JHY: variants seen among roughly 807,000 people sequenced by gnomAD.
JHY encodes the protein jhy protein homolog.
JHY carries 69 observed loss-of-function variants against 78.0 expected under a neutral mutation model. That is an observed-to-expected ratio of 0.88 (90% CI 0.73 to 1.08). The LOEUF is 1.08. Among genes scored for constraint, JHY ranks in the 50% least tolerant of loss-of-function variants. The pLI, the probability that JHY is intolerant of heterozygous loss-of-function variation, is 0.00. For missense variants in JHY, 944 were observed against 927.8 expected (o/e 1.02, Z -0.23); for synonymous variants, 368 against 342.6 (o/e 1.07, Z -0.82).
intron 3 of JHY, among the ~76,000 whole-genome samples, chr11:122,914,565 C>A (rs1420128982): frequency 6.6e-6 from 1 of 152,114 alleles, no homozygotes; most frequent in African/African-American, 2.4e-5. Context: ...CTGCCTCAGC[C>A]TCCTGAGTAG....
chr11:122,908,630 A>G (rs1257087371), intron 3 of JHY, among the ~76,000 whole-genome samples: 4 of 152,294 alleles, frequency 2.6e-5, no homozygotes, highest in Admixed American at 2.6e-4. Context: ...GGCTGATAGG[A>G]TTATTCAGTT....
chr11:122,890,680 A>G (rs996232819), intron 2 of JHY, among the ~76,000 whole-genome samples: 1 of 152,192 alleles, frequency 6.6e-6, no homozygotes, highest in Non-Finnish European at 1.5e-5. Context: ...ATACAATCTA[A>G]TATGTTTCAA....
At chr11:122,931,757 A>G (rs1325649320) in intron 4 of JHY, among the ~76,000 whole-genome samples, 1 of 152,206 alleles carries the variant, frequency 6.6e-6, no homozygotes, top group African/African-American at 2.4e-5. Context: ...AGATCAGAGC[A>G]GGCATTGTCC....
chr11:122,939,685 A>G (rs1214930514), intron 5 of JHY, among the ~76,000 whole-genome samples: 1 of 152,224 alleles, frequency 6.6e-6, no homozygotes, highest in East Asian at 1.9e-4. Flanking sequence ...GGGGGAAAAT[A>G]TCTACAATAA....
chr11:122,893,916 A>C (rs1245500176), intron 2 of JHY, among the ~76,000 whole-genome samples: 3 of 152,176 alleles, frequency 2.0e-5, no homozygotes, highest in Non-Finnish European at 4.4e-5. Flanking sequence ...CCAAGCTCAC[A>C]TGGCTGGTTA....
chr11:122,961,039 G>T lies in JHY; in HGVS notation c.*1594G>T. Reference sequence around the variant, plus strand: ...AAGGAGACAATTGCCAAGTGCATTTGGGACCTAAAGCTGTTGGCAAAGAAG... The same window carrying T: ...AAGGAGACAATTGCCAAGTGCATTTTGGACCTAAAGCTGTTGGCAAAGAAG... On this transcript the variant is annotated 3_prime_UTR_variant, in exon 9 of 9. Coordinates refer to ENST00000227349, the MANE Select transcript of JHY (RefSeq NM_024806.4). The T allele has an allele frequency of 9.5e-7, 1 of 1,048,210 alleles. No homozygotes were observed. Among genetic ancestry groups the T allele is most frequent in the African/African-American group, 1.6e-5 (1 of 63,714 alleles). 64.9% of individuals were successfully genotyped at this position (1,048,210 alleles called of 1,614,324 possible).
At chr11:122,933,912 G>A (rs900339829) in intron 4 of JHY, among the ~76,000 whole-genome samples, 1 of 152,090 alleles carries the variant, frequency 6.6e-6, no homozygotes, top group Non-Finnish European at 1.5e-5. Context: ...CGTATCTCTC[G>A]AAGTAAAGCT....
intron 3 of JHY, among the ~76,000 whole-genome samples, chr11:122,916,765 A>G (rs1378805391): frequency 6.6e-6 from 1 of 152,054 alleles, no homozygotes; most frequent in Non-Finnish European, 1.5e-5. Context: ...TCAGCCACCG[A>G]GTAGCTGGGA....
rs1565302310 is a variant in JHY, at chr11:122,886,003, C to G, written c.154C>G (p.Gln52Glu). 1 of 1,614,116 alleles carries G rather than the reference C, an allele frequency of 6.2e-7. No individual in the cohort carries two copies. Among genetic ancestry groups the G allele is most frequent in the East Asian group, 2.2e-5 (1 of 44,888 alleles). The change falls in exon 2 of 9, where the codon CAA (glutamine) becomes GAA (glutamate). Residue 52 changes from glutamine to glutamate, a missense_variant. Gln to Glu is a conservative substitution (Grantham distance 29, BLOSUM62 2). Transcript: ENST00000227349. ...GGAATCTGATTCAGAAAGCCTCACG[C>G]AAGAGATTATGTGCCATTCTGAGTT... ...SLESDSESLT[Q>E]EIMCHSEFDD... is the part of the protein sequence containing the mutation.
intron 5 of JHY, among the ~76,000 whole-genome samples, chr11:122,942,429 T>C (rs1293254968): frequency 6.6e-6 from 1 of 152,134 alleles, no homozygotes; most frequent in Non-Finnish European, 1.5e-5. Flanking sequence ...TTAACTTCTG[T>C]TATTTATTTA....
At chr11:122,900,883 A>AT (rs1862842929) in intron 2 of JHY, among the ~76,000 whole-genome samples, 2 of 152,356 alleles carry the variant, frequency 1.3e-5, no homozygotes, top group East Asian at 3.9e-4. Flanking sequence ...CTACGTAGGT[A>AT]TGCAGTCAAG....
chr11:122,904,180 T>C lies in JHY; in HGVS notation c.600T>C (p.Tyr200=). Reference sequence around the variant, plus strand: ...GTAGTGAATTTTTAAGCCCAAACTATGAGCATGGTGCCCGTCGCAGCAAGC... The same window carrying C: ...GTAGTGAATTTTTAAGCCCAAACTACGAGCATGGTGCCCGTCGCAGCAAGC... The part of the protein sequence containing the change: ...LLGSEFLSPN[Y]EHGARRSKPF... The change falls in exon 3 of 9, where the codon TAT becomes TAC. Residue 200 remains tyrosine, a synonymous_variant. Coordinates refer to ENST00000227349, the MANE Select transcript of JHY (RefSeq NM_024806.4). 6.2e-7 allele frequency: 1 copy of C among 1,614,204 alleles called. No individual in the cohort carries two copies.
At chr11:122,927,819 C>T (rs1863543443) in intron 4 of JHY, among the ~76,000 whole-genome samples, 1 of 151,538 alleles carries the variant, frequency 6.6e-6, no homozygotes, top group South Asian at 2.1e-4. Flanking sequence ...TAACCTCCGC[C>T]TCCTGGGTTC....
chr11:122,902,735 A>T (rs1316663757), intron 2 of JHY, among the ~76,000 whole-genome samples: 5 of 152,250 alleles, frequency 3.3e-5, no homozygotes, highest in African/African-American at 4.8e-5. Flanking sequence ...ACTCTTGAAC[A>T]ACCAGATCTC....
intron 2 of JHY, among the ~76,000 whole-genome samples, chr11:122,893,483 A>G (rs993054082): frequency 8.5e-5 from 13 of 152,298 alleles, no homozygotes; most frequent in Admixed American, 7.8e-4. Flanking sequence ...AGGTTATTTC[A>G]AAACTGGGAT....
intron 3 of JHY, among the ~76,000 whole-genome samples, chr11:122,907,280 A>G (rs943354279): frequency 6.6e-6 from 1 of 151,878 alleles, no homozygotes; most frequent in Non-Finnish European, 1.5e-5. Flanking sequence ...ATTCATATGT[A>G]GACGTGTGTG....
chr11:122,905,254 C>T (rs761908025), intron 3 of JHY: 3 of 1,613,822 alleles, frequency 1.9e-6, no homozygotes, highest in South Asian at 1.1e-5. Context: ...TTCACAGGTG[C>T]ACATAAAGAC....
At chr11:122,897,425 T>G (rs1591370827) in intron 2 of JHY, among the ~76,000 whole-genome samples, 3 of 151,518 alleles carry the variant, frequency 2.0e-5, no homozygotes, top group East Asian at 1.9e-4. Flanking sequence ...AGACGAGGGG[T>G]TTCTCTGTGT....
intron 3 of JHY, among the ~76,000 whole-genome samples, chr11:122,916,315 A>C (rs1250106031): frequency 6.6e-6 from 1 of 152,230 alleles, no homozygotes; most frequent in African/African-American, 2.4e-5. Context: ...CAAACATTAT[A>C]TATTAATACA....
Sources: allele counts gnomAD v4.1 joint callset (sites outside exome capture counted in the v4.1 genomes callset), GRCh38; gene constraint gnomAD v4.1.1; transcripts MANE v1.5; gene names NCBI Gene and HGNC (gene_info 2026-07-23, HGNC 2026-07-21).